Variants in KLF8 observed in about 807,000 individuals in gnomAD.
The protein encoded by KLF8 is KLF transcription factor 8, also known as Krueppel-like factor 8.
A neutral mutation model predicts 18.2 loss-of-function variants in KLF8; 10 were observed. The observed-to-expected ratio is 0.55, with a 90% CI of 0.34 to 0.93. KLF8 has a LOEUF of 0.93. KLF8 is among the 40% of genes least tolerant of loss of function. The probability of loss-of-function intolerance (pLI) is 0.02; values close to 1 mark genes in which losing one functional copy is unlikely to be tolerated. For missense variants in KLF8, 264 were observed against 277.9 expected, an observed-to-expected ratio of 0.95 and a Z score of 0.36; for synonymous variants, 109 against 97.3, an observed-to-expected ratio of 1.12 and a Z score of -0.71.
the KLF8 span, among the ~76,000 whole-genome samples, chrX:56,063,026 ATTC>A: frequency 1.8e-5 from 2 of 110,914 alleles, no homozygotes; most frequent in African/African-American, 6.6e-5. Context: ...GGTCAGTTAT[ATTC>A]TTCTCTAAAC....
chrX:56,073,625 C>T, the KLF8 span, among the ~76,000 whole-genome samples: 1 of 111,544 alleles, frequency 9.0e-6, no homozygotes, highest in Non-Finnish European at 1.9e-5. Context: ...GACAAGGGCT[C>T]CAATTTATCT....
chrX:56,263,082 G>A (rs2066907835), intron 2 of KLF8, among the ~76,000 whole-genome samples: 1 of 112,178 alleles, frequency 8.9e-6, no homozygotes, highest in Non-Finnish European at 1.9e-5. Context: ...GAAGAGTTAT[G>A]TGGGAAATGT....
the KLF8 span, among the ~76,000 whole-genome samples, chrX:55,926,333 C>T: frequency 9.0e-6 from 1 of 111,266 alleles, no homozygotes; most frequent in Non-Finnish European, 1.9e-5. Flanking sequence ...ATCTCCCTGT[C>T]TTTCCATACA....
the KLF8 span, among the ~76,000 whole-genome samples, chrX:56,024,419 C>A: frequency 2.7e-5 from 3 of 110,958 alleles, no homozygotes; most frequent in African/African-American, 9.8e-5. Flanking sequence ...TGTTGGCCAG[C>A]CTGGTCTGGA....
the KLF8 span, among the ~76,000 whole-genome samples, chrX:56,064,332 C>A: frequency 9.2e-6 from 1 of 108,528 alleles, no homozygotes. Context: ...TTAAGTACAG[C>A]TACTCCTGCT....
chrX:56,031,681 A>C, the KLF8 span, among the ~76,000 whole-genome samples: 1 of 111,752 alleles, frequency 8.9e-6, no homozygotes, highest in Non-Finnish European at 1.9e-5. Context: ...TCGGCTGTCC[A>C]TCAGTCACCT....
the KLF8 span, among the ~76,000 whole-genome samples, chrX:55,938,322 G>A: frequency 9.0e-6 from 1 of 111,415 alleles, no homozygotes; most frequent in South Asian, 3.8e-4. Flanking sequence ...ACAAGCAAAT[G>A]CTGAGAGATT....
chrX:55,946,569 G>A, the KLF8 span, among the ~76,000 whole-genome samples: 7 of 111,632 alleles, frequency 6.3e-5, no homozygotes, highest in African/African-American at 2.3e-4. Context: ...TCAGGACATA[G>A]GCATGGGCAA....
the KLF8 span, among the ~76,000 whole-genome samples, chrX:56,051,365 G>A: frequency 1.7e-4 from 19 of 110,485 alleles, no homozygotes; most frequent in East Asian, 4.0e-3. Context: ...TCCTAGTCTC[G>A]ATGGTCTTTA....
chrX:56,190,303 C>G, the KLF8 span, among the ~76,000 whole-genome samples: 5 of 110,417 alleles, frequency 4.5e-5, no homozygotes, highest in African/African-American at 1.6e-4. Context: ...ATATATGAGT[C>G]CAACACTGGA....
At chrX:55,910,265 G>C in the KLF8 span, among the ~76,000 whole-genome samples, 1 of 111,810 alleles carries the variant, frequency 8.9e-6, no homozygotes, top group Non-Finnish European at 1.9e-5. Context: ...AATCTACTCT[G>C]TATCATCACC....
At chrX:55,935,966 T>C in the KLF8 span, among the ~76,000 whole-genome samples, 1 of 112,296 alleles carries the variant, frequency 8.9e-6, no homozygotes, top group Non-Finnish European at 1.9e-5. Context: ...TAATATTTCA[T>C]TTACTTGTTT....
chrX:56,026,113 C>G, the KLF8 span, among the ~76,000 whole-genome samples: 1 of 112,109 alleles, frequency 8.9e-6, no homozygotes, highest in African/African-American at 3.2e-5. Flanking sequence ...TTGGTTTGGC[C>G]TCCTAGGTTT....
At chrX:56,085,267 C>A in the KLF8 span, among the ~76,000 whole-genome samples, 1 of 111,120 alleles carries the variant, frequency 9.0e-6, no homozygotes, top group Non-Finnish European at 1.9e-5. Context: ...ACACACACAC[C>A]CCACATTATA....
chrX:56,074,326 C>G, the KLF8 span, among the ~76,000 whole-genome samples: 2 of 110,268 alleles, frequency 1.8e-5, no homozygotes, highest in Non-Finnish European at 1.9e-5. Context: ...CTTTTTTTGC[C>G]TTTTGTCACC....
the KLF8 span, among the ~76,000 whole-genome samples, chrX:55,943,162 C>T: frequency 9.0e-6 from 1 of 110,770 alleles, no homozygotes; most frequent in Admixed American, 9.7e-5. Flanking sequence ...GTGCTATTTA[C>T]TGAGATGAGG....
the KLF8 span, among the ~76,000 whole-genome samples, chrX:56,054,896 A>G: frequency 9.0e-6 from 1 of 111,353 alleles, no homozygotes; most frequent in African/African-American, 3.3e-5. Context: ...TGAAGTTAGG[A>G]TTACATTTTG....
chrX:56,030,218 G>T, the KLF8 span, among the ~76,000 whole-genome samples: 327 of 111,084 alleles, frequency 2.9e-3, no homozygotes, highest in African/African-American at 0.01. Context: ...ATGCCTCCTG[G>T]TATTGTCTTA....
chrX:56,199,647 C>G, the KLF8 span, among the ~76,000 whole-genome samples: 2 of 111,522 alleles, frequency 1.8e-5, no homozygotes, highest in African/African-American at 6.5e-5. Context: ...TATAGATTAG[C>G]TCAATTATTG....
Sources: allele counts gnomAD v4.1 joint callset (sites outside exome capture counted in the v4.1 genomes callset), GRCh38; gene constraint gnomAD v4.1.1; transcripts MANE v1.5; gene names NCBI Gene and HGNC (gene_info 2026-07-23, HGNC 2026-07-21).